The following ITPR2 variants were observed in gnomAD, a reference collection of about 807,000 sequenced individuals.
ITPR2 encodes inositol 1,4,5-trisphosphate receptor type 2.
A neutral mutation model predicts 317.1 loss-of-function variants in ITPR2; 207 were observed. That is an observed-to-expected ratio of 0.65 (90% CI 0.58 to 0.73). ITPR2 has a LOEUF of 0.73. Among genes scored for constraint, ITPR2 ranks in the 30% least tolerant of loss-of-function variants. ITPR2 has a pLI of 0.00. For missense variants in ITPR2, 2,613 were observed against 3,284.0 expected (o/e 0.80, Z 4.99); for synonymous variants, 1,156 against 1,149.1 (o/e 1.01, Z -0.12).
Position 26,433,170 on chromosome 12 carries a change from G to A in ITPR2, c.6769+3051C>T, listed in dbSNP as rs16930696. 0.016 allele frequency among the ~76,000 whole-genome samples: 2,426 copies of A among 152,254 alleles called. 114 individuals carry two copies. In the East Asian group the frequency reaches 0.17, roughly 11 times the overall value. On this transcript the variant is annotated intron_variant, in intron 48 of 56. Coordinates refer to ENST00000381340, the MANE Select transcript of ITPR2 (RefSeq NM_002223.4). ...AACTCATCCAGAACTATAACCAGATGACCCAGACATAACCTTGGGGTTTGA... is the reference window on the plus strand; with the variant it reads ...AACTCATCCAGAACTATAACCAGATAACCCAGACATAACCTTGGGGTTTGA...
chr12:26,538,569 C>CT (rs1239549558), intron 37 of ITPR2, among the ~76,000 whole-genome samples: 1 of 135,130 alleles, frequency 7.4e-6, no homozygotes, highest in Non-Finnish European at 1.6e-5. Flanking sequence ...ATTTTTTTTT[C>CT]TTTTTTTCTT....
intron 14 of ITPR2, among the ~76,000 whole-genome samples, chr12:26,665,680 C>G (rs1462897477): frequency 6.6e-6 from 1 of 152,120 alleles, no homozygotes; most frequent in East Asian, 1.9e-4. Flanking sequence ...CCTGCAGCCC[C>G]AGCAAACACC....
chr12:26,474,091 T>C (rs1433421390), intron 45 of ITPR2, among the ~76,000 whole-genome samples: 1 of 152,252 alleles, frequency 6.6e-6, no homozygotes, highest in African/African-American at 2.4e-5. Flanking sequence ...TATAGTCAAG[T>C]TCACATATAT....
At chr12:26,585,103 A>C (rs957902628) in intron 32 of ITPR2, among the ~76,000 whole-genome samples, 1 of 152,234 alleles carries the variant, frequency 6.6e-6, no homozygotes, top group African/African-American at 2.4e-5. Context: ...TGAAAAATAC[A>C]GAAAATATAA....
chr12:26,784,599 C>G (rs1196833958), intron 2 of ITPR2, among the ~76,000 whole-genome samples: 2 of 151,818 alleles, frequency 1.3e-5, no homozygotes, highest in Admixed American at 6.6e-5. Context: ...CAGCCTCGGC[C>G]TCCCGAGGTG....
chr12:26,613,040 G>A (rs1946305594), intron 26 of ITPR2, among the ~76,000 whole-genome samples: 1 of 151,962 alleles, frequency 6.6e-6, no homozygotes, highest in African/African-American at 2.4e-5. Context: ...CTATTTTTTG[G>A]GTGTTCATGA....
intron 11 of ITPR2, among the ~76,000 whole-genome samples, chr12:26,684,646 T>G (rs1270665554): frequency 6.6e-6 from 1 of 152,230 alleles, no homozygotes; most frequent in Non-Finnish European, 1.5e-5. Flanking sequence ...TGCACTACAC[T>G]GAATAGGGCT....
At chr12:26,668,643 T>C (rs1159172029) in intron 13 of ITPR2, among the ~76,000 whole-genome samples, 1 of 152,118 alleles carries the variant, frequency 6.6e-6, no homozygotes, top group East Asian at 1.9e-4. Context: ...CCATACAGTA[T>C]CAGGAGGCTA....
At chr12:26,830,918 A>G (rs534986625) in intron 1 of ITPR2, among the ~76,000 whole-genome samples, 1 of 152,344 alleles carries the variant, frequency 6.6e-6, no homozygotes, top group South Asian at 2.1e-4. Flanking sequence ...TGAGGTAGAA[A>G]CCATGCCTAT....
intron 13 of ITPR2, among the ~76,000 whole-genome samples, chr12:26,668,009 G>A (rs1947666180): frequency 6.6e-6 from 1 of 152,190 alleles, no homozygotes; most frequent in South Asian, 2.1e-4. Flanking sequence ...CTCTGAAACT[G>A]CTGAAACCTT....
intron 37 of ITPR2, among the ~76,000 whole-genome samples, chr12:26,535,321 A>T (rs1483804461): frequency 1.3e-5 from 2 of 152,254 alleles, no homozygotes; most frequent in Non-Finnish European, 2.9e-5. Context: ...AATGCTTCAT[A>T]TGTTCTATTT....
At position 26,550,347 on chromosome 12, in the gene ITPR2, T is replaced by C. The variant is rs776989439; in HGVS notation, c.4973A>G (p.Asn1658Ser). The C allele has an allele frequency of 1.4e-5, 18 of 1,319,694 alleles. No individual in the cohort carries two copies. Among genetic ancestry groups the C allele is most frequent in the Non-Finnish European group, 1.1e-5 (10 of 925,244 alleles). The allele number at this position is 1,319,694 out of a possible 1,614,324, so 81.7% of individuals were successfully genotyped here. ...RCGAFMSKLI[N>S]HTKKLMEKEE... is the part of the protein sequence containing the mutation. ...TTTCTCCATTAGTTTCTTTGTATGA[T>C]TAATCAACCTTAAAGCAAAACATGA... The change falls in exon 37 of 57, where the codon AAT becomes AGT. Residue 1658 changes from asparagine to serine, a missense_variant. Transcript: ENST00000381340.
intron 9 of ITPR2, among the ~76,000 whole-genome samples, chr12:26,698,740 T>C (rs1324549828): frequency 6.6e-6 from 1 of 152,178 alleles, no homozygotes; most frequent in Admixed American, 6.5e-5. Flanking sequence ...CTCAGATTCC[T>C]TAAGTTCCCT....
chr12:26,780,314 G>A (rs1221344180), intron 2 of ITPR2, among the ~76,000 whole-genome samples: 4 of 152,190 alleles, frequency 2.6e-5, no homozygotes, highest in African/African-American at 9.7e-5. Flanking sequence ...AGAAAGGGCA[G>A]AGGTTTTTGT....
chr12:26,832,347 T>G (rs1241530118), intron 1 of ITPR2, among the ~76,000 whole-genome samples: 1 of 152,242 alleles, frequency 6.6e-6, no homozygotes, highest in African/African-American at 2.4e-5. Context: ...TTGTTTTACC[T>G]TCCAGGGAAA....
rs1591970336 is a variant in ITPR2, at chr12:26,621,113, T to G, written c.3462+10A>C. 6.2e-7 allele frequency: 1 copy of G among 1,609,888 alleles called. No individual in the cohort carries two copies. The highest frequency in any genetic ancestry group is 8.5e-7 in the Non-Finnish European group (1 of 1,177,610). ...ATTGGGAGTATTTCGAAATAGATCT[T>G]GAAACGAACCTCAATTGGCTCTTCA... On this transcript the variant is annotated intron_variant, in intron 26 of 56. Transcript: ENST00000381340.
Position 26,654,097 on chromosome 12 carries a change from G to T in ITPR2, c.2619C>A (p.Tyr873Ter). Residue 873 changes from tyrosine to a stop codon, truncating the protein, a stop_gained, in exon 21 of 57, where the codon TAC becomes TAA. Transcript: ENST00000381340. LOFTEE classifies it high-confidence loss of function. ...EVVHLARNLI[Y>*]FGFYSFSELL... is the part of the protein sequence containing the mutation. ...ACTCACTGAAACTATAAAATCCAAA[G>T]TATATAAGATTCCGAGCCAAGTGGA... 1.0e-6 allele frequency: 1 copy of T among 966,972 alleles called. No individual in the cohort carries two copies. Among genetic ancestry groups the T allele is most frequent in the Admixed American group, 2.6e-5 (1 of 37,736 alleles). 59.9% of individuals were successfully genotyped at this position (966,972 alleles called of 1,614,324 possible). A position where few individuals can be genotyped will look rare whatever the true frequency, so the allele number is the denominator to read the frequency against.
Position 26,550,321 on chromosome 12 carries a change from C to T in ITPR2, c.4999G>A (p.Glu1667Lys). Residue 1667 changes from glutamate to lysine, a missense_variant, in exon 37 of 57, where the codon GAA becomes AAA. Glu to Lys is a moderately conservative substitution (Grantham distance 56). Transcript: ENST00000381340. ...INHTKKLMEK[E>K]EKLCIKILQT... The stretch of plus-strand genomic sequence containing the variant: ...AGAATTTTAATGCACAGTTTTTCTT[C>T]TTTCTCCATTAGTTTCTTTGTATGA... 6.6e-7 allele frequency: 1 copy of T among 1,509,742 alleles called. No individual in the cohort carries two copies. The allele number at this position is 1,509,742 out of a possible 1,614,324, so 93.5% of individuals were successfully genotyped here. A position where few individuals can be genotyped will look rare whatever the true frequency, so the allele number is the denominator to read the frequency against.
chr12:26,359,323 G>T (rs1938747431), intron 55 of ITPR2, among the ~76,000 whole-genome samples: 1 of 152,146 alleles, frequency 6.6e-6, no homozygotes. Flanking sequence ...CCATATTAAT[G>T]CTAACTAGGA....
Sources: gnomAD v4.1 joint callset for allele counts (sites outside exome capture counted in the v4.1 genomes callset) on GRCh38, gnomAD v4.1.1 for gene constraint, MANE v1.5 for transcripts, NCBI Gene and HGNC (gene_info 2026-07-23, HGNC 2026-07-21) for gene names.